Variants in NEK1 observed in about 807,000 individuals in gnomAD.
NEK1 encodes NIMA related kinase 1.
NEK1 carries 137 observed loss-of-function variants against 182.1 expected under a neutral mutation model. The ratio of observed to expected loss-of-function variants is 0.75; its 90% CI spans 0.65 to 0.87. The LOEUF (loss-of-function observed/expected upper bound fraction) is 0.87. NEK1 is among the 40% of genes least tolerant of loss of function. NEK1 has a pLI of 0.00. For synonymous variants in NEK1, 513 were observed against 492.2 expected (o/e 1.04, Z -0.56); for missense variants, 1,391 against 1,494.4 (o/e 0.93, Z 1.14).
At chr4:169,562,641 T>C (rs749577148) in intron 12 of NEK1, among the ~76,000 whole-genome samples, 17 of 152,162 alleles carry the variant, frequency 1.1e-4, no homozygotes, top group South Asian at 6.2e-4. Context: ...TTTTCATTAG[T>C]GTCCTTCAGA....
At chr4:169,608,411 T>A (rs541301556) in intron 2 of NEK1, among the ~76,000 whole-genome samples, 2 of 152,282 alleles carry the variant, frequency 1.3e-5, no homozygotes, top group East Asian at 3.9e-4. Context: ...GTTAATTTAT[T>A]CCCTCATTTT....
intron 28 of NEK1, among the ~76,000 whole-genome samples, chr4:169,437,217 T>C (rs1315970059): frequency 6.5e-5 from 1 of 15,430 alleles, no homozygotes; most frequent in Non-Finnish European, 1.1e-4. Context: ...GGAAAACAAA[T>C]AACTAATTTT....
intron 23 of NEK1, among the ~76,000 whole-genome samples, chr4:169,488,401 G>A (rs1245130504): frequency 6.6e-6 from 1 of 152,140 alleles, no homozygotes; most frequent in African/African-American, 2.4e-5. Flanking sequence ...TGACTAGCCA[G>A]TTCTCCCAGC....
At chr4:169,568,976 G>A (rs1418886757) in intron 12 of NEK1, among the ~76,000 whole-genome samples, 2 of 150,198 alleles carry the variant, frequency 1.3e-5, no homozygotes, top group Non-Finnish European at 3.0e-5. Context: ...CAAATAGGAA[G>A]GTCCACAACA....
intron 27 of NEK1, among the ~76,000 whole-genome samples, chr4:169,458,745 C>T (rs1159893648): frequency 6.6e-6 from 1 of 151,080 alleles, no homozygotes; most frequent in Non-Finnish European, 1.5e-5. Flanking sequence ...GAAGGATCAC[C>T]TGGGCCCAGG....
intron 5 of NEK1, among the ~76,000 whole-genome samples, chr4:169,595,253 T>C (rs1281929391): frequency 6.6e-6 from 1 of 152,194 alleles, no homozygotes; most frequent in African/African-American, 2.4e-5. Context: ...ATGAATAAAC[T>C]GAATTAAATA....
At chr4:169,467,363 A>G (rs886102177) in intron 26 of NEK1, among the ~76,000 whole-genome samples, 8 of 152,108 alleles carry the variant, frequency 5.3e-5, no homozygotes, top group African/African-American at 1.9e-4. Flanking sequence ...ATCTTATACC[A>G]TATATGAAGT....
At chr4:169,508,407 A>T (rs1239722463) in intron 20 of NEK1, 76 bp from the exon 21 acceptor site, 35 of 1,199,532 alleles carry the variant, frequency 2.9e-5, no homozygotes, top group Non-Finnish European at 3.6e-5. Context: ...GATTTTTTTT[A>T]AATTTAAGGA....
intron 10 of NEK1, 29 bp from the exon 11 acceptor site, chr4:169,580,931 A>C: frequency 7.8e-7 from 1 of 1,278,078 alleles, no homozygotes; most frequent in Admixed American, 2.4e-5. Flanking sequence ...AAAATTAGAA[A>C]AGATGTTACA....
At chr4:169,512,192 G>C (rs543060206) in intron 19 of NEK1, among the ~76,000 whole-genome samples, 4 of 152,240 alleles carry the variant, frequency 2.6e-5, no homozygotes, top group Non-Finnish European at 4.4e-5. Flanking sequence ...AAGGAACTGT[G>C]AAACTATTTT....
In NEK1 at chr4:169,479,427, A is replaced by G; in HGVS notation, c.2115T>C (p.Thr705=). 6.2e-7 allele frequency: 1 copy of G among 1,611,404 alleles called. No homozygotes were observed. The part of the protein sequence containing the change: ...KQQMRSVISV[T]SALKEVGVDS... ...CCACGCCAACTTCTTTCAAAGCTGA[A>G]GTTACAGAAATAACAGATCTCATCT... The change falls in exon 24 of 36, where the codon ACT becomes ACC. Residue 705 remains threonine, a synonymous_variant. Coordinates refer to ENST00000507142, the MANE Select transcript of NEK1 (RefSeq NM_001199397.3).
rs150686591 is a variant in NEK1 at position 169,549,718 on chromosome 4, C to T, written c.1562+6002G>A. ...GATTACAGGTGTAAGCCACGACACC[C>T]GGTCTTTTTTTGTTTGTTTAAGACG... On this transcript the variant is annotated intron_variant, in intron 18 of 35. Coordinates refer to ENST00000507142, the MANE Select transcript of NEK1 (RefSeq NM_001199397.3). Among the ~76,000 whole-genome samples, 740 of 151,778 alleles carry T rather than the reference C, an allele frequency of 4.9e-3. 8 individuals carry two copies. The highest frequency in any genetic ancestry group is 7.4e-3 in the Admixed American group (113 of 15,222).
chr4:169,431,911 T>C (rs1737515907), intron 29 of NEK1, among the ~76,000 whole-genome samples: 1 of 151,708 alleles, frequency 6.6e-6, no homozygotes, highest in Admixed American at 6.6e-5. Context: ...ATAAACTATA[T>C]ACTTCAGCAT....
intron 27 of NEK1, among the ~76,000 whole-genome samples, chr4:169,460,277 G>A (rs540161907): frequency 7.6e-4 from 116 of 151,822 alleles, no homozygotes; most frequent in African/African-American, 2.5e-3. Flanking sequence ...CTGGGGAGGC[G>A]TCACGATCAT....
chr4:169,538,578 A>G (rs1758868349), intron 18 of NEK1, among the ~76,000 whole-genome samples: 1 of 152,208 alleles, frequency 6.6e-6, no homozygotes, highest in Non-Finnish European at 1.5e-5. Context: ...TTAAGCATCT[A>G]CTATATATTG....
chr4:169,463,184 ATAAT>A, intron 27 of NEK1, 55 bp downstream of exon 27: 1 of 938,622 alleles, frequency 1.1e-6, no homozygotes, highest in South Asian at 3.8e-5. Flanking sequence ...CTTAAAATAC[ATAAT>A]TAGATTTTTA....
In NEK1 at chr4:169,566,177, A is replaced by ATT. The variant is rs1763647076; in HGVS notation, c.1021-3983_1021-3982dup. Among the ~76,000 whole-genome samples, 3 of 152,164 alleles carry ATT rather than the reference A, an allele frequency of 2.0e-5. No individual in the cohort carries two copies. The South Asian group carries it at 6.2e-4, about 32-fold the overall frequency. ...ACAGCAACTTAATATAAATAACTGG[A>ATT]TTATATATATATTACACAATAGTGT... On this transcript the variant is annotated intron_variant, in intron 12 of 35. Coordinates refer to ENST00000507142, the MANE Select transcript of NEK1 (RefSeq NM_001199397.3).
chr4:169,574,875 CA>C (rs1320223614), intron 12 of NEK1, among the ~76,000 whole-genome samples: 3 of 151,972 alleles, frequency 2.0e-5, no homozygotes, highest in Non-Finnish European at 4.4e-5. Context: ...ACCAGGTTTT[CA>C]AGCAAAAAAG....
At chr4:169,500,634 C>T (rs907916283) in intron 23 of NEK1, among the ~76,000 whole-genome samples, 1 of 152,132 alleles carries the variant, frequency 6.6e-6, no homozygotes, top group African/African-American at 2.4e-5. Context: ...GAAATGCCAG[C>T]CAAGAATTTC....
Sources: allele counts gnomAD v4.1 joint callset (sites outside exome capture counted in the v4.1 genomes callset), GRCh38; gene constraint gnomAD v4.1.1; transcripts MANE v1.5; gene names NCBI Gene and HGNC (gene_info 2026-07-23, HGNC 2026-07-21).